The following CACNA2D1 variants were observed in gnomAD, a reference collection of about 807,000 sequenced individuals.
CACNA2D1 encodes the protein calcium voltage-gated channel auxiliary subunit alpha2delta 1.
In CACNA2D1, 53 loss-of-function variants were observed where a neutral mutation model predicts 171.5. The ratio of observed to expected loss-of-function variants is 0.31; its 90% confidence interval spans 0.25 to 0.39. CACNA2D1 has a LOEUF of 0.39. Among genes scored for constraint, CACNA2D1 ranks in the 10% least tolerant of loss-of-function variants. The pLI is 1.00. For missense variants in CACNA2D1, 903 were observed against 1,299.8 expected (o/e 0.69, Z 4.69); for synonymous variants, 442 against 443.1 (o/e 1.00, Z 0.03).
chr7:82,383,950 GAACA>G (rs1482425711), intron 1 of CACNA2D1, among the ~76,000 whole-genome samples: 1 of 152,066 alleles, frequency 6.6e-6, no homozygotes, highest in Non-Finnish European at 1.5e-5. Context: ...TAATTATTTA[GAACA>G]AACAAGCCAA....
chr7:82,188,524 T>A (rs1478036948), intron 3 of CACNA2D1, among the ~76,000 whole-genome samples: 1 of 152,084 alleles, frequency 6.6e-6, no homozygotes, highest in African/African-American at 2.4e-5. Context: ...ATCTACTAAA[T>A]AACCAGTGAA....
At chr7:82,149,525 C>T (rs1284689360) in intron 4 of CACNA2D1, among the ~76,000 whole-genome samples, 5 of 151,954 alleles carry the variant, frequency 3.3e-5, no homozygotes, top group African/African-American at 7.2e-5. Context: ...TGAGGAGGCT[C>T]AGGTAGTATC....
intron 1 of CACNA2D1, among the ~76,000 whole-genome samples, chr7:82,365,745 G>T (rs559047022): frequency 1.5e-4 from 23 of 152,166 alleles, no homozygotes; most frequent in Admixed American, 3.3e-4. Context: ...AGAGCTATAC[G>T]TTACTTCTAA....
At chr7:82,173,723 C>T (rs1226721707) in intron 3 of CACNA2D1, among the ~76,000 whole-genome samples, 1 of 151,828 alleles carries the variant, frequency 6.6e-6, no homozygotes, top group Non-Finnish European at 1.5e-5. Flanking sequence ...AATGAGCTAC[C>T]ATTAAATGGC....
intron 7 of CACNA2D1, among the ~76,000 whole-genome samples, chr7:82,068,732 G>A (rs547552810): frequency 1.3e-5 from 2 of 151,900 alleles, no homozygotes; most frequent in African/African-American, 4.8e-5. Context: ...GGTCTGCAAC[G>A]AATCTGATAA....
intron 14 of CACNA2D1, among the ~76,000 whole-genome samples, 195 bp from the exon 15 acceptor site, chr7:82,012,438 T>C (rs879516306): frequency 6.6e-6 from 1 of 152,136 alleles, no homozygotes; most frequent in African/African-American, 2.4e-5. Flanking sequence ...GAATGAACAA[T>C]ATTTGACTTA....
chr7:81,976,112 A>G (rs1795809052), intron 24 of CACNA2D1, among the ~76,000 whole-genome samples: 1 of 152,108 alleles, frequency 6.6e-6, no homozygotes, highest in Admixed American at 6.6e-5. Flanking sequence ...TTTATCACAT[A>G]TAATATTAAA....
chr7:82,053,115 G>A (rs1479847889), intron 10 of CACNA2D1, among the ~76,000 whole-genome samples: 1 of 152,010 alleles, frequency 6.6e-6, no homozygotes, highest in Non-Finnish European at 1.5e-5. Context: ...AGCCGGGCGT[G>A]GTGGCGGGTG....
At chr7:82,074,055 C>T (rs1328852463) in intron 7 of CACNA2D1, among the ~76,000 whole-genome samples, 1 of 151,944 alleles carries the variant, frequency 6.6e-6, no homozygotes, top group African/African-American at 2.4e-5. Context: ...CAGGGGTAAA[C>T]AATGAAGTTT....
intron 4 of CACNA2D1, among the ~76,000 whole-genome samples, chr7:82,162,380 G>C (rs887235745): frequency 6.6e-6 from 1 of 151,894 alleles, no homozygotes; most frequent in African/African-American, 2.4e-5. Flanking sequence ...ATTAACGAAA[G>C]AGAAGATAGC....
intron 3 of CACNA2D1, among the ~76,000 whole-genome samples, chr7:82,312,396 C>T (rs529874038): frequency 2.0e-5 from 3 of 152,028 alleles, no homozygotes; most frequent in Non-Finnish European, 4.4e-5. Flanking sequence ...TTGTTAAAGC[C>T]CTACAAACTG....
At position 82,217,380 on chromosome 7, in the gene CACNA2D1, C is replaced by T. The variant is rs186744665; in HGVS notation, c.295-46771G>A. The stretch of plus-strand genomic sequence containing the variant: ...AAAAATATATATATACACACATATA[C>T]ACACACACACATACATATATATATA... On this transcript the variant is annotated intron_variant, in intron 3 of 38. Transcript: ENST00000356860. 5.5e-3 allele frequency among the ~76,000 whole-genome samples: 480 copies of T among 86,668 alleles called. 8 individuals carry two copies. The highest frequency in any genetic ancestry group is 0.027 in the African/African-American group (453 of 16,598). The allele number at this position is 86,668 out of a possible 152,430, so 56.9% of individuals were successfully genotyped here.
chr7:82,350,680 AAAC>A (rs929580565), intron 1 of CACNA2D1, among the ~76,000 whole-genome samples: 7 of 152,130 alleles, frequency 4.6e-5, no homozygotes, highest in African/African-American at 7.2e-5. Context: ...AACAAAAACA[AAAC>A]AACAACAACA....
At chr7:81,955,932 G>T (rs1793233539) in intron 38 of CACNA2D1, among the ~76,000 whole-genome samples, 1 of 116,902 alleles carries the variant, frequency 8.6e-6, no homozygotes. Flanking sequence ...GGTGGTCTTA[G>T]GTTAAAAAGA....
At chr7:82,369,972 A>C (rs2129448109) in intron 1 of CACNA2D1, among the ~76,000 whole-genome samples, 1 of 152,264 alleles carries the variant, frequency 6.6e-6, no homozygotes, top group Middle Eastern at 3.4e-3. Context: ...TCATTTCAAT[A>C]AATGTCCCCC....
At chr7:82,103,835 G>A (rs1812988331) in intron 6 of CACNA2D1, among the ~76,000 whole-genome samples, 1 of 151,940 alleles carries the variant, frequency 6.6e-6, no homozygotes, top group Non-Finnish European at 1.5e-5. Flanking sequence ...ATAAGAACTG[G>A]CTTTATTGTG....
At chr7:82,358,221 A>T (rs1446613735) in intron 1 of CACNA2D1, among the ~76,000 whole-genome samples, 1 of 152,174 alleles carries the variant, frequency 6.6e-6, no homozygotes, top group Non-Finnish European at 1.5e-5. Flanking sequence ...TATATAATAA[A>T]CCATCCACAG....
chr7:82,256,800 A>C (rs1355413021), intron 3 of CACNA2D1, among the ~76,000 whole-genome samples: 1 of 152,182 alleles, frequency 6.6e-6, no homozygotes, highest in African/African-American at 2.4e-5. Context: ...AATAATACGA[A>C]TCTCTAAGGC....
chr7:82,397,782 T>C (rs773145421), intron 1 of CACNA2D1, among the ~76,000 whole-genome samples: 2 of 152,192 alleles, frequency 1.3e-5, no homozygotes, highest in African/African-American at 2.4e-5. Context: ...GCTGTTATAA[T>C]CATGAGACAC....
Sources: gnomAD v4.1 joint callset for allele counts (sites outside exome capture counted in the v4.1 genomes callset) on GRCh38, gnomAD v4.1.1 for gene constraint, MANE v1.5 for transcripts, NCBI Gene and HGNC (gene_info 2026-07-23, HGNC 2026-07-21) for gene names.